Variants in ST6GALNAC3 observed in about 807,000 individuals in gnomAD.
ST6GALNAC3 encodes ST6 N-acetylgalactosaminide alpha-2,6-sialyltransferase 3.
ST6GALNAC3 carries 25 observed loss-of-function variants against 32.7 expected under a neutral mutation model. The ratio of observed to expected loss-of-function variants is 0.76; its 90% confidence interval spans 0.56 to 1.07. The LOEUF is 1.07. Ranked by LOEUF, ST6GALNAC3 falls within the 50% of genes least tolerant of loss-of-function variation. ST6GALNAC3 has a pLI of 0.00. For missense variants in ST6GALNAC3, 355 were observed against 382.4 expected, an observed-to-expected ratio of 0.93 and a Z score of 0.60; for synonymous variants, 129 against 133.1, an observed-to-expected ratio of 0.97 and a Z score of 0.21.
intron 2 of ST6GALNAC3, among the ~76,000 whole-genome samples, chr1:76,367,116 T>C (rs534232625): frequency 2.3e-4 from 35 of 152,244 alleles, no homozygotes; most frequent in African/African-American, 8.2e-4. Context: ...GTGAAGAAAA[T>C]AGGAGTTAAT....
In ST6GALNAC3 at chr1:76,367,025, T is replaced by A. The variant is rs151222686; in HGVS notation, c.214-44983T>A. Among the ~76,000 whole-genome samples the A allele has an allele frequency of 4.9e-3, 748 of 152,042 alleles. 1 individual carries two copies. Among genetic ancestry groups the A allele is most frequent in the Middle Eastern group, 0.01 (3 of 294 alleles). ...GCTGAGAATCAGTGGGGCTGCAAAA[T>A]CTGGACAAAGAAAGGCAGAACAAGA... On this transcript the variant is annotated intron_variant, in intron 2 of 4. Transcript: ENST00000328299.
At chr1:76,125,369 T>C (rs1198224438) in intron 1 of ST6GALNAC3, among the ~76,000 whole-genome samples, 2 of 152,196 alleles carry the variant, frequency 1.3e-5, no homozygotes, top group Non-Finnish European at 2.9e-5. Flanking sequence ...TGGTTGGCTC[T>C]TTGTCCCACC....
At chr1:76,387,397 A>G (rs541041511) in intron 2 of ST6GALNAC3, among the ~76,000 whole-genome samples, 7 of 152,280 alleles carry the variant, frequency 4.6e-5, no homozygotes, top group East Asian at 1.9e-4. Flanking sequence ...AAAATTTGTT[A>G]TATTTTAATT....
At position 76,415,733 on chromosome 1, in the gene ST6GALNAC3, G is replaced by A. The variant is rs148920602; in HGVS notation, c.623+3316G>A. Reference sequence around the variant, plus strand: ...GGATTCAGACATTTCTGCAAAGAACGTCAGTTTCTTTTAGTAGTTAAGAGA... The same window carrying A: ...GGATTCAGACATTTCTGCAAAGAACATCAGTTTCTTTTAGTAGTTAAGAGA... On this transcript the variant is annotated intron_variant, in intron 3 of 4. Transcript: ENST00000328299. Among the ~76,000 whole-genome samples the A allele has an allele frequency of 3.2e-4, 48 of 152,048 alleles. No homozygotes were observed. In the South Asian group the frequency reaches 8.1e-3, roughly 26 times the overall value.
rs866518869 is a variant in ST6GALNAC3 at position 76,112,684 on chromosome 1, T to G, written c.18+37800T>G. On this transcript the variant is annotated intron_variant, in intron 1 of 4. Coordinates refer to ENST00000328299, the MANE Select transcript of ST6GALNAC3 (RefSeq NM_152996.4). Reference sequence around the variant, plus strand: ...GATGGGGCGGTTGCCAGGCAGAGGGTCTCCTCACTTCTCAGACGGGGCGGC... The same window carrying G: ...GATGGGGCGGTTGCCAGGCAGAGGGGCTCCTCACTTCTCAGACGGGGCGGC... Among the ~76,000 whole-genome samples, 1,005 of 132,614 alleles carry G rather than the reference T, an allele frequency of 7.6e-3. 27 individuals carry two copies. The highest frequency in any genetic ancestry group is 0.028 in the African/African-American group (959 of 33,740). The allele number at this position is 132,614 out of a possible 152,430, so 87.0% of individuals were successfully genotyped here. A position where few individuals can be genotyped will look rare whatever the true frequency, so the allele number is the denominator to read the frequency against.
chr1:76,603,134 A>G (rs1416397538), intron 3 of ST6GALNAC3, among the ~76,000 whole-genome samples: 1 of 152,214 alleles, frequency 6.6e-6, no homozygotes, highest in Non-Finnish European at 1.5e-5. Context: ...TGTCGATAGG[A>G]GTATAAATTG....
At chr1:76,245,930 C>T (rs1370904734) in intron 1 of ST6GALNAC3, among the ~76,000 whole-genome samples, 1 of 152,110 alleles carries the variant, frequency 6.6e-6, no homozygotes, top group African/African-American at 2.4e-5. Context: ...GGTCCACTTG[C>T]TCCAGAGCTG....
At chr1:76,568,449 T>C (rs991015487) in intron 3 of ST6GALNAC3, among the ~76,000 whole-genome samples, 7 of 152,340 alleles carry the variant, frequency 4.6e-5, no homozygotes, top group African/African-American at 1.7e-4. Context: ...GTATGCACTT[T>C]GTTCCTGGCA....
chr1:76,223,809 C>A (rs1193644015), intron 1 of ST6GALNAC3, among the ~76,000 whole-genome samples: 1 of 151,852 alleles, frequency 6.6e-6, no homozygotes, highest in Non-Finnish European at 1.5e-5. Flanking sequence ...AGAATTTGAT[C>A]CTGCAAACTT....
intron 2 of ST6GALNAC3, among the ~76,000 whole-genome samples, chr1:76,343,582 G>A: frequency 6.6e-6 from 1 of 152,118 alleles, no homozygotes; most frequent in East Asian, 1.9e-4. Context: ...AAACCCTTTG[G>A]AACCATGGTC....
chr1:76,510,638 T>C (rs1001362289), intron 3 of ST6GALNAC3, among the ~76,000 whole-genome samples: 11 of 152,208 alleles, frequency 7.2e-5, no homozygotes, highest in African/African-American at 2.4e-4. Context: ...CCTTGACTTA[T>C]GATGGGGTTA....
chr1:76,366,139 C>T (rs1318417693), intron 2 of ST6GALNAC3, among the ~76,000 whole-genome samples: 2 of 152,070 alleles, frequency 1.3e-5, no homozygotes, highest in African/African-American at 4.8e-5. Context: ...ATTTCTTGCT[C>T]CTACACTTTG....
chr1:76,096,181 T>C (rs1647128361), intron 1 of ST6GALNAC3, among the ~76,000 whole-genome samples: 1 of 152,194 alleles, frequency 6.6e-6, no homozygotes, highest in Admixed American at 6.5e-5. Context: ...GAAACAATTT[T>C]CTCTTGAAAT....
intron 1 of ST6GALNAC3, among the ~76,000 whole-genome samples, chr1:76,289,268 TTC>T (rs1659944267): frequency 6.6e-6 from 1 of 152,210 alleles, no homozygotes; most frequent in South Asian, 2.1e-4. Flanking sequence ...TGGGCACATT[TTC>T]TCTGAGAGGT....
chr1:76,517,071 G>A (rs1026326677), intron 3 of ST6GALNAC3, among the ~76,000 whole-genome samples: 8 of 151,018 alleles, frequency 5.3e-5, no homozygotes, highest in African/African-American at 1.7e-4. Flanking sequence ...AATTTCTTTG[G>A]GATTCTTGCC....
At chr1:76,517,275 C>T (rs1662229284) in intron 3 of ST6GALNAC3, among the ~76,000 whole-genome samples, 1 of 151,630 alleles carries the variant, frequency 6.6e-6, no homozygotes, top group Admixed American at 6.6e-5. Context: ...ACAATTTTTT[C>T]ATTTTTAATA....
At chr1:76,427,403 C>T (rs896150147) in intron 3 of ST6GALNAC3, among the ~76,000 whole-genome samples, 1 of 151,980 alleles carries the variant, frequency 6.6e-6, no homozygotes, top group Non-Finnish European at 1.5e-5. Context: ...GGATTCAGAA[C>T]CTCTGGGAAT....
chr1:76,478,214 C>T (rs1659477436), intron 3 of ST6GALNAC3, among the ~76,000 whole-genome samples: 1 of 152,120 alleles, frequency 6.6e-6, no homozygotes, highest in South Asian at 2.1e-4. Flanking sequence ...CCCTTTAGCC[C>T]ACATGATGAT....
intron 2 of ST6GALNAC3, among the ~76,000 whole-genome samples, chr1:76,355,114 T>C (rs1000961446): frequency 6.6e-6 from 1 of 152,156 alleles, no homozygotes; most frequent in African/African-American, 2.4e-5. Context: ...TGATTTGGGA[T>C]GAAGTAAAAA....
Sources: allele counts gnomAD v4.1 joint callset (sites outside exome capture counted in the v4.1 genomes callset), GRCh38; gene constraint gnomAD v4.1.1; transcripts MANE v1.5; gene names NCBI Gene and HGNC (gene_info 2026-07-23, HGNC 2026-07-21).